Variants in FAM193A observed in about 807,000 individuals in gnomAD.
The protein encoded by FAM193A is family with sequence similarity 193 member A, also known as protein FAM193A.
Under a neutral mutation model 126.5 loss-of-function variants are expected in FAM193A, and 22 were observed. The observed-to-expected ratio is 0.17, with a 90% confidence interval of 0.12 to 0.25. The LOEUF is 0.25. FAM193A is among the 10% of genes least tolerant of loss of function. FAM193A has a pLI of 1.00. For missense variants in FAM193A, 1,675 were observed against 1,672.8 expected (o/e 1.00, Z -0.02); for synonymous variants, 761 against 646.8 (o/e 1.18, Z -2.68).
intron 6 of FAM193A, among the ~76,000 whole-genome samples, chr4:2,641,603 T>C (rs974732775): frequency 3.3e-5 from 5 of 151,340 alleles, no homozygotes; most frequent in African/African-American, 4.9e-5. Context: ...TGCAGTGAGC[T>C]GAAATCGTGC....
chr4:2,536,152 G>C (rs926650138), upstream of FAM193A, among the ~76,000 whole-genome samples: 18 of 151,656 alleles, frequency 1.2e-4, no homozygotes, highest in South Asian at 4.1e-4. Context: ...GCGGCGGACA[G>C]GGGCGCGGGC....
intron 2 of FAM193A, among the ~76,000 whole-genome samples, chr4:2,610,210 G>A (rs1355503627): frequency 1.3e-5 from 2 of 152,080 alleles, no homozygotes; most frequent in Non-Finnish European, 2.9e-5. Flanking sequence ...CCAGCCTGGC[G>A]ACAGAGCGAG....
intron 1 of FAM193A, among the ~76,000 whole-genome samples, chr4:2,543,538 T>G (rs1737361534): frequency 6.6e-6 from 1 of 151,670 alleles, no homozygotes; most frequent in South Asian, 2.1e-4. Context: ...CCGCCACTGC[T>G]CTACAAAAAA....
At chr4:2,566,078 C>T (rs1302875898) in intron 1 of FAM193A, among the ~76,000 whole-genome samples, 9 of 149,460 alleles carry the variant, frequency 6.0e-5, no homozygotes, top group African/African-American at 1.5e-4. Flanking sequence ...GACGGAGTCT[C>T]GCTCTGTCGC....
chr4:2,630,813 G>C, intron 4 of FAM193A, 122 bp from the exon 5 acceptor site: 1 of 607,462 alleles, frequency 1.6e-6, no homozygotes, highest in South Asian at 1.9e-5. Context: ...TTATGAGGAA[G>C]GTGACTGTGT....
intron 12 of FAM193A, among the ~76,000 whole-genome samples, chr4:2,668,415 C>T (rs1713388568): frequency 1.3e-5 from 2 of 151,906 alleles, no homozygotes; most frequent in South Asian, 2.1e-4. Flanking sequence ...TGTTTTGCCA[C>T]TTTGGCCAGG....
intron 12 of FAM193A, among the ~76,000 whole-genome samples, chr4:2,668,785 CCTCT>C (rs552558950): frequency 8.6e-5 from 13 of 150,964 alleles, no homozygotes; most frequent in African/African-American, 1.9e-4. Context: ...TTTTCCTTTT[CCTCT>C]CTCTCTCTTT....
intron 13 of FAM193A, among the ~76,000 whole-genome samples, chr4:2,674,995 T>C (rs944062845): frequency 1.3e-5 from 2 of 152,212 alleles, no homozygotes; most frequent in Non-Finnish European, 2.9e-5. Context: ...AAATACTACA[T>C]AAAATAAAAA....
At chr4:2,657,360 G>T (rs904270943) in intron 7 of FAM193A, among the ~76,000 whole-genome samples, 7 of 151,882 alleles carry the variant, frequency 4.6e-5, no homozygotes, top group Non-Finnish European at 8.8e-5. Flanking sequence ...TAACTTCTTT[G>T]TTAGTTTTGT....
At chr4:2,545,380 T>G (rs1737483437) in intron 1 of FAM193A, among the ~76,000 whole-genome samples, 1 of 144,630 alleles carries the variant, frequency 6.9e-6, no homozygotes, top group Non-Finnish European at 1.5e-5. Flanking sequence ...GTTGTTGTCC[T>G]AGCAGTGGAT....
At chr4:2,649,522 A>C (rs2109063340) in intron 7 of FAM193A, among the ~76,000 whole-genome samples, 1 of 152,132 alleles carries the variant, frequency 6.6e-6, no homozygotes, top group South Asian at 2.1e-4. Flanking sequence ...AAATACAAAA[A>C]TTAGCCTGCC....
chr4:2,694,025 A>G (rs931860586), intron 16 of FAM193A, 151 bp downstream of exon 16: 20 of 852,430 alleles, frequency 2.3e-5, no homozygotes, highest in Middle Eastern at 3.4e-4. Flanking sequence ...AGCAGAGGCC[A>G]TGGGTAGAGG....
intron 19 of FAM193A, among the ~76,000 whole-genome samples, chr4:2,709,913 A>T (rs754165868): frequency 6.6e-6 from 1 of 152,082 alleles, no homozygotes; most frequent in Non-Finnish European, 1.5e-5. Flanking sequence ...AGTGAGGTTA[A>T]TTTTGGTAAA....
chr4:2,568,022 T>C (rs1284254881), intron 1 of FAM193A, among the ~76,000 whole-genome samples: 2 of 152,190 alleles, frequency 1.3e-5, no homozygotes, highest in African/African-American at 4.8e-5. Flanking sequence ...CTCGTCTCCA[T>C]TTCCCACCCC....
intron 13 of FAM193A, among the ~76,000 whole-genome samples, chr4:2,676,048 T>A (rs944468906): frequency 1.3e-5 from 2 of 152,266 alleles, no homozygotes; most frequent in Non-Finnish European, 2.9e-5. Context: ...ACGTGTTGTT[T>A]CCATACATTA....
chr4:2,656,909 A>G (rs1234796360), intron 7 of FAM193A, among the ~76,000 whole-genome samples: 3 of 152,184 alleles, frequency 2.0e-5, no homozygotes, highest in Admixed American at 2.0e-4. Flanking sequence ...GCTCACGCTT[A>G]TAATCCCAGC....
intron 13 of FAM193A, among the ~76,000 whole-genome samples, chr4:2,679,600 A>G (rs770347275): frequency 2.6e-4 from 40 of 151,336 alleles, no homozygotes; most frequent in Non-Finnish European, 5.5e-4. Context: ...CTGGTCTCGA[A>G]CTCCCGACCT....
chr4:2,714,051 C>T (rs1300633222), intron 19 of FAM193A, among the ~76,000 whole-genome samples: 1 of 152,144 alleles, frequency 6.6e-6, no homozygotes, highest in Non-Finnish European at 1.5e-5. Context: ...TCTATTATGA[C>T]AGCACTTCCA....
intron 7 of FAM193A, among the ~76,000 whole-genome samples, chr4:2,653,039 G>A (rs919629512): frequency 6.6e-6 from 1 of 152,148 alleles, no homozygotes; most frequent in African/African-American, 2.4e-5. Flanking sequence ...ATAACATCCT[G>A]CCCCTAAGAG....
Sources: allele counts gnomAD v4.1 joint callset (sites outside exome capture counted in the v4.1 genomes callset), GRCh38; gene constraint gnomAD v4.1.1; transcripts MANE v1.5; gene names NCBI Gene and HGNC (gene_info 2026-07-23, HGNC 2026-07-21).